UGT1A7: variants seen among roughly 807,000 people sequenced by gnomAD.
UGT1A7 encodes the protein UDP-glucuronosyltransferase 1A7.
In UGT1A7, 33 loss-of-function variants were observed where a neutral mutation model predicts 45.6. The observed-to-expected ratio is 0.72, with a 90% CI of 0.55 to 0.97. The LOEUF (loss-of-function observed/expected upper bound fraction) is 0.97, where lower values mean the gene tolerates loss of function less well. Ranked by LOEUF, UGT1A7 falls within the 50% of genes least tolerant of loss-of-function variation. UGT1A7 has a pLI of 0.00. For missense variants in UGT1A7, 684 were observed against 666.2 expected (o/e 1.03, Z -0.29); for synonymous variants, 274 against 250.6 (o/e 1.09, Z -0.88).
Position 233,682,320 on chromosome 2 carries a change from T to C in UGT1A7, c.383T>C (p.Phe128Ser), listed in dbSNP as rs763345749. ...TTTTTTTCAAATTGCAGGAGTTTGT[T>C]TAATGACCGAAAATTAGTAGAATAC... The part of the protein sequence containing the change: ...DLFFSNCRSL[F>S]NDRKLVEYLK... Residue 128 changes from phenylalanine to serine, a missense_variant, in exon 1 of 5, where the codon TTT (phenylalanine) becomes TCT (serine). Transcript: ENST00000373426. 5.6e-6 allele frequency: 9 copies of C among 1,614,156 alleles called. No homozygotes were observed. The South Asian group carries it at 8.8e-5, about 16-fold the overall frequency.
intron 1 of UGT1A7, among the ~76,000 whole-genome samples, chr2:233,708,088 A>G (rs940204280): frequency 1.3e-5 from 2 of 152,196 alleles, no homozygotes; most frequent in African/African-American, 4.8e-5. Context: ...CTTTTATTCA[A>G]ACGAATTAGA....
chr2:233,699,994 G>A (rs1457243004), intron 1 of UGT1A7, among the ~76,000 whole-genome samples: 1 of 152,158 alleles, frequency 6.6e-6, no homozygotes, highest in Non-Finnish European at 1.5e-5. Context: ...GAATTACTCT[G>A]GCTCAAAATG....
intron 1 of UGT1A7, chr2:233,718,789 T>C (rs745402322): frequency 5.6e-6 from 9 of 1,612,926 alleles, no homozygotes; most frequent in Non-Finnish European, 7.6e-6. Flanking sequence ...CAGCGTGGGG[T>C]GGACAGTCAG....
chr2:233,738,058 G>A (rs1690676256), intron 1 of UGT1A7, among the ~76,000 whole-genome samples: 1 of 152,076 alleles, frequency 6.6e-6, no homozygotes, highest in Non-Finnish European at 1.5e-5. Flanking sequence ...AGGACATGGT[G>A]GGAGGTCCCC....
intron 1 of UGT1A7, chr2:233,760,456 A>T (rs1341101614): frequency 6.2e-7 from 1 of 1,614,230 alleles, no homozygotes; most frequent in Non-Finnish European, 8.5e-7. Flanking sequence ...GGGACATGAA[A>T]TAGTTGTCCT....
In UGT1A7 at chr2:233,695,130, CTT is replaced by C. The variant is rs71398796; in HGVS notation, c.855+12351_855+12352del. Among the ~76,000 whole-genome samples, 42 of 138,814 alleles carry C rather than the reference CTT, an allele frequency of 3.0e-4. 1 individual carries two copies. Among genetic ancestry groups the C allele is most frequent in the Middle Eastern group, 3.8e-3 (1 of 264 alleles). The allele number at this position is 138,814 out of a possible 152,430, so 91.1% of individuals were successfully genotyped here. A position where few individuals can be genotyped will look rare whatever the true frequency, so the allele number is the denominator to read the frequency against. Reference sequence around the variant, plus strand: ...GCCCATTAACCAACCCTTTTCTTTTCTTTTTTTTTTTTTTGAGACAGAGTCTC... The same window carrying C: ...GCCCATTAACCAACCCTTTTCTTTTCTTTTTTTTTTTTGAGACAGAGTCTC... On this transcript the variant is annotated intron_variant, in intron 1 of 4. Coordinates refer to ENST00000373426, the MANE Select transcript of UGT1A7 (RefSeq NM_019077.3).
chr2:233,697,083 C>G (rs1335387953), intron 1 of UGT1A7, among the ~76,000 whole-genome samples: 1 of 151,984 alleles, frequency 6.6e-6, no homozygotes, highest in Non-Finnish European at 1.5e-5. Context: ...CAGGGTAACA[C>G]TGGTCTCACA....
At chr2:233,750,064 T>C (rs1472554795) in intron 1 of UGT1A7, among the ~76,000 whole-genome samples, 1 of 151,832 alleles carries the variant, frequency 6.6e-6, no homozygotes, top group East Asian at 1.9e-4. Context: ...ACTTTGGAAC[T>C]GGGTAACAGG....
intron 1 of UGT1A7, chr2:233,729,581 A>AC (rs752036126): frequency 6.8e-6 from 11 of 1,613,946 alleles, no homozygotes. Context: ...GTTTTAACAG[A>AC]CCCCGTTAAC....
At chr2:233,712,971 C>T (rs374909970) in intron 1 of UGT1A7, 564 of 1,612,936 alleles carry the variant, frequency 3.5e-4, no homozygotes, top group Non-Finnish European at 4.5e-4. Context: ...GGACAGTCAG[C>T]TGTCGGTGGC....
rs35041092 is a variant in UGT1A7 at position 233,761,235 on chromosome 2, C to T, written c.856-5799C>T. 9.3e-4 allele frequency: 1,493 copies of T among 1,612,640 alleles called. 2 individuals are homozygous for T. The highest frequency in any genetic ancestry group is 1.5e-3 in the Middle Eastern group (9 of 6,058). ...TCGATTAACTAGCCCCAGATATATG[C>T]TGAGCAAGCATTCTGAGATAATTTA... On this transcript the variant is annotated intron_variant, in intron 1 of 4. Coordinates refer to ENST00000373426, the MANE Select transcript of UGT1A7 (RefSeq NM_019077.3).
At chr2:233,708,161 G>A (rs1416561336) in intron 1 of UGT1A7, among the ~76,000 whole-genome samples, 8 of 152,136 alleles carry the variant, frequency 5.3e-5, no homozygotes, top group Admixed American at 3.9e-4. Flanking sequence ...GGGAGTTGCC[G>A]GAAAATGGAC....
chr2:233,730,676 G>A (rs992783530), intron 1 of UGT1A7, among the ~76,000 whole-genome samples: 4 of 152,128 alleles, frequency 2.6e-5, no homozygotes, highest in Non-Finnish European at 4.4e-5. Flanking sequence ...CAAAGTAATG[G>A]TTGCATCTCA....
chr2:233,747,873 T>C, intron 1 of UGT1A7: 1 of 1,613,590 alleles, frequency 6.2e-7, no homozygotes, highest in Non-Finnish European at 8.5e-7. Context: ...TCTGGCCCTG[T>C]CCTACCTTTG....
chr2:233,741,589 G>C (rs1281207965), intron 1 of UGT1A7: 1 of 151,856 alleles, frequency 6.6e-6, no homozygotes, highest in Non-Finnish European at 1.5e-5. Flanking sequence ...GCACCTCGGA[G>C]CATGTTGATT....
In UGT1A7 at chr2:233,703,202, A is replaced by G. The variant is rs1415439812; in HGVS notation, c.855+20410A>G. ...TTTGTTTCTTTCTAGGAATTTGTCA[A>G]TTTTATCTAAGTTATCTAATTCCTT... is the stretch of plus-strand genomic sequence containing the variant. On this transcript the variant is annotated intron_variant, in intron 1 of 4. Coordinates refer to ENST00000373426, the MANE Select transcript of UGT1A7 (RefSeq NM_019077.3). Among the ~76,000 whole-genome samples, 6 of 152,168 alleles carry G rather than the reference A, an allele frequency of 3.9e-5. No individual in the cohort carries two copies. In the East Asian group the frequency reaches 5.8e-4, roughly 15 times the overall value.
At chr2:233,714,096 G>A (rs17862870) in intron 1 of UGT1A7, among the ~76,000 whole-genome samples, 15,413 of 152,100 alleles carry the variant, frequency 0.1, 898 homozygotes, top group East Asian at 0.2. Context: ...CAAAGGATGG[G>A]CAAGAGTGGT....
chr2:233,715,342 A>G (rs1189143165), intron 1 of UGT1A7, among the ~76,000 whole-genome samples: 2 of 150,484 alleles, frequency 1.3e-5, no homozygotes, highest in African/African-American at 2.5e-5. Context: ...TGGTGCATGT[A>G]GGTTTGAGGT....
chr2:233,718,935 A>G, intron 1 of UGT1A7: 1 of 1,614,132 alleles, frequency 6.2e-7, no homozygotes, highest in South Asian at 1.1e-5. Context: ...CACTGATGGC[A>G]GCCCCTGGCT....
Sources: allele counts gnomAD v4.1 joint callset (sites outside exome capture counted in the v4.1 genomes callset), GRCh38; gene constraint gnomAD v4.1.1; transcripts MANE v1.5; gene names NCBI Gene and HGNC (gene_info 2026-07-23, HGNC 2026-07-21).